Variants in EML5 observed in about 807,000 individuals in gnomAD.
EML5 encodes the protein EMAP like 5, also known as echinoderm microtubule-associated protein-like 5.
In EML5, 120 loss-of-function variants were observed where a neutral mutation model predicts 250.0. The ratio of observed to expected loss-of-function variants is 0.48; its 90% CI spans 0.41 to 0.56. The LOEUF is 0.56. Ranked by LOEUF, EML5 falls within the 20% of genes least tolerant of loss-of-function variation. The pLI, the probability that EML5 is intolerant of heterozygous loss-of-function variation, is 0.00. For synonymous variants in EML5, 771 were observed against 806.5 expected (o/e 0.96, Z 0.75); for missense variants, 2,006 against 2,437.6 (o/e 0.82, Z 3.73).
intron 4 of EML5, 81 bp downstream of exon 4, chr14:88,743,942 G>A: frequency 1.2e-6 from 1 of 864,714 alleles, no homozygotes; most frequent in Non-Finnish European, 1.6e-6. Context: ...TCTGAAAGTA[G>A]GCTAAATTGT....
rs1183756377 is a variant in EML5 at position 88,613,488 on chromosome 14, A to ATAAT, written c.*2326_*2329dup. Reference sequence around the variant, plus strand: ...TTTAGTTCAGCCATTTTACAAGGAAATAATAAAATACTAAAATCTGATTGT... The same window carrying ATAAT: ...TTTAGTTCAGCCATTTTACAAGGAAATAATTAATAAAATACTAAAATCTGATTGT... On this transcript the variant is annotated 3_prime_UTR_variant, in exon 44 of 44. Transcript: ENST00000554922. 6 of 152,336 alleles carry ATAAT rather than the reference A, an allele frequency of 3.9e-5. No individual in the cohort carries two copies. Among genetic ancestry groups the ATAAT allele is most frequent in the African/African-American group, 1.4e-4 (6 of 41,586 alleles). 9.4% of individuals were successfully genotyped at this position (152,336 alleles called of 1,614,324 possible). A position where few individuals can be genotyped will look rare whatever the true frequency, so the allele number is the denominator to read the frequency against.
intron 21 of EML5, among the ~76,000 whole-genome samples, chr14:88,675,835 A>T (rs1187750568): frequency 6.6e-6 from 1 of 152,158 alleles, no homozygotes; most frequent in Admixed American, 6.5e-5. Context: ...TTCTTCTACT[A>T]GATACCCTAA....
chr14:88,704,667 A>C (rs2093282029), intron 13 of EML5, among the ~76,000 whole-genome samples, 193 bp downstream of exon 13: 1 of 152,208 alleles, frequency 6.6e-6, no homozygotes, highest in African/African-American at 2.4e-5. Flanking sequence ...ATTTTAAAAA[A>C]TATCTTTCAA....
chr14:88,753,572 T>C (rs938496424), intron 2 of EML5, among the ~76,000 whole-genome samples: 1 of 152,214 alleles, frequency 6.6e-6, no homozygotes, highest in Non-Finnish European at 1.5e-5. Context: ...ATGAACAACC[T>C]GCAAGATCCA....
rs746445687 is a variant in EML5, at chr14:88,712,496, CAG to C, written c.1445-15_1445-14del. 5.3e-5 allele frequency: 85 copies of C among 1,591,116 alleles called. No individual in the cohort carries two copies. The highest frequency in any genetic ancestry group is 9.4e-5 in the African/African-American group (7 of 74,504). On this transcript the variant is annotated splice_polypyrimidine_tract_variant and intron_variant, in intron 9 of 43. Coordinates refer to ENST00000554922, the MANE Select transcript of EML5 (RefSeq NM_183387.3). ...ACTTCCTTTCCTCCTAAAAATAAAT[CAG>C]AGTCTTAATTTAAAAAGTTATTTCA...
At chr14:88,731,226 C>A (rs903697391) in intron 7 of EML5, among the ~76,000 whole-genome samples, 5 of 137,164 alleles carry the variant, frequency 3.6e-5, no homozygotes, top group South Asian at 2.8e-4. Flanking sequence ...CCCCTCCCCC[C>A]ACCCCATGAC....
chr14:88,660,227 G>A (rs2092031621), intron 25 of EML5, among the ~76,000 whole-genome samples: 2 of 150,714 alleles, frequency 1.3e-5, no homozygotes, highest in African/African-American at 2.4e-5. Context: ...ATGCTGCAGT[G>A]AGCCATGATT....
rs2087475685 is a variant in EML5 at position 88,615,647 on chromosome 14, A to C, written c.*171T>G. ...ATGGATTACGGATTATACCCAGTGC[A>C]TATAGCAAATATTTTGAACAGATCA... On this transcript the variant is annotated 3_prime_UTR_variant, in exon 44 of 44. Transcript: ENST00000554922. The C allele has an allele frequency of 1.6e-6, 1 of 608,596 alleles. No individual in the cohort carries two copies. Among genetic ancestry groups the C allele is most frequent in the South Asian group, 2.3e-5 (1 of 43,808 alleles). The allele number at this position is 608,596 out of a possible 1,614,324, so 37.7% of individuals were successfully genotyped here.
In EML5 at chr14:88,687,342, AG is replaced by A. The variant is rs770624293; in HGVS notation, c.2743-16del. On this transcript the variant is annotated splice_polypyrimidine_tract_variant and intron_variant, in intron 18 of 43. Transcript: ENST00000554922. Reference sequence around the variant, plus strand: ...GTTACAAACCCCTATGGAAAAAAAAAGGTTCAAGTTAATAAAGATCTAAATA... The same window carrying A: ...GTTACAAACCCCTATGGAAAAAAAAAGTTCAAGTTAATAAAGATCTAAATA... The A allele has an allele frequency of 2.6e-6, 4 of 1,541,668 alleles. No homozygotes were observed. Among genetic ancestry groups the A allele is most frequent in the South Asian group, 2.5e-5 (2 of 81,202 alleles).
At chr14:88,686,732 G>T (rs2092841519) in intron 19 of EML5, among the ~76,000 whole-genome samples, 1 of 152,124 alleles carries the variant, frequency 6.6e-6, no homozygotes, top group South Asian at 2.1e-4. Context: ...GACCACTTGA[G>T]TCTAGGGGTT....
chr14:88,681,808 T>A, intron 21 of EML5, 82 bp downstream of exon 21: 2 of 1,401,444 alleles, frequency 1.4e-6, no homozygotes, highest in Non-Finnish European at 1.9e-6. Context: ...TTTTAAAATG[T>A]GCCTAGTTTT....
At chr14:88,688,514 T>G (rs1161475405) in intron 17 of EML5, 41 bp from the exon 18 acceptor site, 5 of 1,596,284 alleles carry the variant, frequency 3.1e-6, no homozygotes, top group Non-Finnish European at 3.4e-6. Flanking sequence ...ACTTTCAAAA[T>G]GTACTCAATT....
intron 28 of EML5, among the ~76,000 whole-genome samples, chr14:88,648,574 C>CT (rs1488515918): frequency 1.3e-5 from 2 of 152,074 alleles, no homozygotes; most frequent in Non-Finnish European, 2.9e-5. Context: ...CTAGGCTGAT[C>CT]TTTAACTCCT....
intron 22 of EML5, among the ~76,000 whole-genome samples, chr14:88,665,090 T>C (rs1243755256): frequency 6.6e-6 from 1 of 152,046 alleles, no homozygotes; most frequent in African/African-American, 2.4e-5. Context: ...ATATCACAAA[T>C]GAGGAAACAA....
At chr14:88,622,058 A>G (rs1161181317) in intron 37 of EML5, 1 of 320,126 alleles carries the variant, frequency 3.1e-6, no homozygotes, top group Non-Finnish European at 6.4e-6. Context: ...GCCTCCAGTA[A>G]CCACTATTCT....
At chr14:88,617,851 A>C (rs1466311959) in intron 41 of EML5, 1 of 156,314 alleles carries the variant, frequency 6.4e-6, no homozygotes, top group African/African-American at 2.4e-5. Flanking sequence ...AATTTGAACA[A>C]ATTTGGAAGC....
chr14:88,616,269 G>C, intron 42 of EML5, 27 bp from the exon 43 acceptor site: 1 of 1,607,280 alleles, frequency 6.2e-7, no homozygotes, highest in Non-Finnish European at 8.5e-7. Context: ...GACAAGCTCA[G>C]GGCATTTGGT....
At chr14:88,747,618 G>A (rs760822012) in intron 2 of EML5, among the ~76,000 whole-genome samples, 2 of 152,014 alleles carry the variant, frequency 1.3e-5, no homozygotes, top group Non-Finnish European at 2.9e-5. Context: ...ATAAAATTAA[G>A]GATTCAAAAT....
At chr14:88,775,716 G>A (rs547367607) in intron 1 of EML5, among the ~76,000 whole-genome samples, 2 of 152,332 alleles carry the variant, frequency 1.3e-5, no homozygotes, top group South Asian at 2.1e-4. Context: ...ACACTGGCCT[G>A]GCCGGCTTTA....
Sources: gnomAD v4.1 joint callset for allele counts (sites outside exome capture counted in the v4.1 genomes callset) on GRCh38, gnomAD v4.1.1 for gene constraint, MANE v1.5 for transcripts, NCBI Gene and HGNC (gene_info 2026-07-23, HGNC 2026-07-21) for gene names.